GALNT2: variants seen among roughly 807,000 people sequenced by gnomAD.
The protein encoded by GALNT2 is UDP-GalNAc:polypeptide N-acetylgalactosaminyltransferase 2.
Under a neutral mutation model 81.4 loss-of-function variants are expected in GALNT2, and 31 were observed. The ratio of observed to expected loss-of-function variants is 0.38; its 90% CI spans 0.29 to 0.51. The LOEUF is 0.51. Ranked by LOEUF, GALNT2 falls within the 20% of genes least tolerant of loss-of-function variation. The pLI is 0.87. For synonymous variants in GALNT2, 303 were observed against 287.4 expected, an observed-to-expected ratio of 1.05 and a Z score of -0.55; for missense variants, 629 against 765.7, an observed-to-expected ratio of 0.82 and a Z score of 2.11.
intron 3 of GALNT2, among the ~76,000 whole-genome samples, chr1:230,225,125 A>G (rs761700900): frequency 1.3e-5 from 2 of 152,246 alleles, no homozygotes; most frequent in Non-Finnish European, 2.9e-5. Flanking sequence ...AGGACTAATC[A>G]GAAATTAGTG....
rs1042980098 is a variant in GALNT2 at position 230,189,029 on chromosome 1, G to T, written c.220+10718G>T. On this transcript the variant is annotated intron_variant, in intron 2 of 15. Transcript: ENST00000366672. ...GAGGAGTGGGGCCGGAAGAGGAGCA[G>T]GGGCAGCTGTAGGGGCTAGAAGGCC... is the stretch of plus-strand genomic sequence containing the variant. 2.0e-5 allele frequency among the ~76,000 whole-genome samples: 3 copies of T among 150,876 alleles called. No individual in the cohort carries two copies. In the East Asian group the frequency reaches 5.8e-4, roughly 29 times the overall value.
chr1:230,148,865 G>A (rs1662005786), intron 1 of GALNT2, among the ~76,000 whole-genome samples: 1 of 151,360 alleles, frequency 6.6e-6, no homozygotes, highest in South Asian at 2.1e-4. Context: ...GGGATTACAG[G>A]CATAAGCCAC....
At chr1:230,191,273 ATAAAC>A in intron 2 of GALNT2, among the ~76,000 whole-genome samples, 1 of 152,344 alleles carries the variant, frequency 6.6e-6, no homozygotes, top group Non-Finnish European at 1.5e-5. Flanking sequence ...AGGGATGCTG[ATAAAC>A]TAGAGTTAGT....
In GALNT2 at chr1:230,120,964, C is replaced by G. The variant is rs185480743; in HGVS notation, c.126+53558C>G. On this transcript the variant is annotated intron_variant, in intron 1 of 15. Coordinates refer to ENST00000366672, the MANE Select transcript of GALNT2 (RefSeq NM_004481.5). The stretch of plus-strand genomic sequence containing the variant: ...AAACACTAGGCCAGAAATTGGTTAA[C>G]TGTGGTTTAGGACTCCTAATCTTTC... Among the ~76,000 whole-genome samples the G allele has an allele frequency of 2.0e-5, 3 of 152,206 alleles. No individual in the cohort carries two copies. In the South Asian group the frequency reaches 6.2e-4, roughly 32 times the overall value.
rs74997462 is a variant in GALNT2 at position 230,095,193 on chromosome 1, G to A, written c.126+27787G>A. On this transcript the variant is annotated intron_variant, in intron 1 of 15. Transcript: ENST00000366672. ...GAATGTGGGCAGTGGCAGCAGACCC[G>A]CGGGGCTGTGACACTGTCCTTTCTG... 4.7e-3 allele frequency among the ~76,000 whole-genome samples: 708 copies of A among 152,214 alleles called. 5 individuals are homozygous for A. Among genetic ancestry groups the A allele is most frequent in the Non-Finnish European group, 6.3e-3 (430 of 68,008 alleles).
At chr1:230,138,838 G>A (rs1218947976) in intron 1 of GALNT2, among the ~76,000 whole-genome samples, 1 of 152,196 alleles carries the variant, frequency 6.6e-6, no homozygotes, top group Non-Finnish European at 1.5e-5. Flanking sequence ...GGATGACCAG[G>A]TGTGGCTTTT....
At chr1:230,145,321 G>A (rs11122401) in intron 1 of GALNT2, among the ~76,000 whole-genome samples, 64,413 of 152,036 alleles carry the variant, frequency 0.42, 13,857 homozygotes, top group Middle Eastern at 0.46. Flanking sequence ...CCCTAAGTTT[G>A]TGGGGTTTCC....
At chr1:230,174,406 G>A (rs1662892507) in intron 1 of GALNT2, among the ~76,000 whole-genome samples, 1 of 152,116 alleles carries the variant, frequency 6.6e-6, no homozygotes, top group Non-Finnish European at 1.5e-5. Flanking sequence ...CCAGATTTGT[G>A]CCTCCATCTG....
chr1:230,115,326 T>C (rs1193332978), intron 1 of GALNT2, among the ~76,000 whole-genome samples: 1 of 152,128 alleles, frequency 6.6e-6, no homozygotes, highest in Non-Finnish European at 1.5e-5. Context: ...TTTGGACAAA[T>C]GTACAGACAC....
upstream of GALNT2, among the ~76,000 whole-genome samples, chr1:230,063,132 G>A (rs1659088449): frequency 6.6e-6 from 1 of 152,080 alleles, no homozygotes; most frequent in South Asian, 2.1e-4. Flanking sequence ...CCAATATGGT[G>A]AAACCCTGTC....
chr1:230,161,091 A>T (rs1459278518), intron 1 of GALNT2, among the ~76,000 whole-genome samples: 1 of 152,184 alleles, frequency 6.6e-6, no homozygotes, highest in Non-Finnish European at 1.5e-5. Flanking sequence ...TCCCAAGTGG[A>T]ATGGCCTAAC....
intron 1 of GALNT2, among the ~76,000 whole-genome samples, chr1:230,107,615 T>TGTGTGG (rs1359475743): frequency 1.4e-5 from 2 of 143,812 alleles, no homozygotes; most frequent in African/African-American, 5.0e-5. Context: ...GGACTTTGTG[T>TGTGTGG]GTGTGTGTGT....
At chr1:230,246,842 C>T (rs778653146) in intron 8 of GALNT2, among the ~76,000 whole-genome samples, 9 of 152,112 alleles carry the variant, frequency 5.9e-5, no homozygotes, top group Non-Finnish European at 1.2e-4. Context: ...TATCAAAGAC[C>T]TCAAAGAGCT....
intron 1 of GALNT2, among the ~76,000 whole-genome samples, chr1:230,127,248 T>A (rs112594120): frequency 4.9e-4 from 74 of 149,880 alleles, no homozygotes; most frequent in African/African-American, 1.7e-3. Flanking sequence ...CTCCCCCTTC[T>A]TCTCTGTGGA....
intron 7 of GALNT2, among the ~76,000 whole-genome samples, chr1:230,245,603 C>T (rs1417607992): frequency 6.6e-6 from 1 of 152,236 alleles, no homozygotes; most frequent in African/African-American, 2.4e-5. Context: ...CACACACACA[C>T]ACTCCCACAT....
At chr1:230,060,232 C>T (rs993546732) in intron 1 of GALNT2, among the ~76,000 whole-genome samples, 1 of 152,176 alleles carries the variant, frequency 6.6e-6, no homozygotes, top group Non-Finnish European at 1.5e-5. Context: ...TATTCACATC[C>T]TTGGCCAGAA....
intron 1 of GALNT2, among the ~76,000 whole-genome samples, chr1:230,133,061 G>GT (rs901246524): frequency 6.6e-6 from 1 of 152,080 alleles, no homozygotes; most frequent in Non-Finnish European, 1.5e-5. Flanking sequence ...TTGCAGTTTG[G>GT]TTTTTTTCCC....
At chr1:230,165,030 T>C (rs1196025964) in intron 1 of GALNT2, among the ~76,000 whole-genome samples, 2 of 152,216 alleles carry the variant, frequency 1.3e-5, no homozygotes. Context: ...CTTAATGATG[T>C]GAAATACTGC....
chr1:230,101,625 A>C (rs146946194), intron 1 of GALNT2, among the ~76,000 whole-genome samples: 11 of 152,372 alleles, frequency 7.2e-5, no homozygotes, highest in African/African-American at 2.6e-4. Flanking sequence ...CTGATCAGCC[A>C]AACTCTGGGC....
Sources: gnomAD v4.1 joint callset for allele counts (sites outside exome capture counted in the v4.1 genomes callset) on GRCh38, gnomAD v4.1.1 for gene constraint, MANE v1.5 for transcripts, NCBI Gene and HGNC (gene_info 2026-07-23, HGNC 2026-07-21) for gene names.